CNTN6: variants seen among roughly 807,000 people sequenced by gnomAD.
CNTN6 encodes contactin 6, also known as contactin-6.
In CNTN6, 137 loss-of-function variants were observed where a neutral mutation model predicts 122.8. That is an observed-to-expected ratio of 1.12 (90% CI 0.97 to 1.29). CNTN6 has a LOEUF of 1.29. Ranked by LOEUF, CNTN6 falls within the 50% of genes most tolerant of loss-of-function variation. The probability of loss-of-function intolerance (pLI) is 0.00; values close to 1 mark genes in which losing one functional copy is unlikely to be tolerated. For synonymous variants in CNTN6, 570 were observed against 426.0 expected, an observed-to-expected ratio of 1.34 and a Z score of -4.16; for missense variants, 1,634 against 1,223.4, an observed-to-expected ratio of 1.34 and a Z score of -5.01.
intron 2 of CNTN6, among the ~76,000 whole-genome samples, chr3:1,154,318 A>G (rs1300419184): frequency 6.6e-6 from 1 of 152,174 alleles, no homozygotes; most frequent in African/African-American, 2.4e-5. Context: ...TCTTTGAAGG[A>G]GAGGGTCAAG....
intron 12 of CNTN6, among the ~76,000 whole-genome samples, chr3:1,366,366 C>T (rs569157119): frequency 2.6e-4 from 40 of 152,178 alleles, no homozygotes; most frequent in African/African-American, 9.4e-4. Context: ...AAGATCTCAC[C>T]GATCCATAAA....
intron 5 of CNTN6, among the ~76,000 whole-genome samples, chr3:1,289,836 A>G (rs987170602): frequency 4.6e-5 from 7 of 151,760 alleles, no homozygotes; most frequent in Non-Finnish European, 8.8e-5. Context: ...CACCACGCCC[A>G]GCTAATGTTT....
At chr3:1,313,797 G>A (rs919135628) in intron 7 of CNTN6, among the ~76,000 whole-genome samples, 1 of 152,056 alleles carries the variant, frequency 6.6e-6, no homozygotes, top group Non-Finnish European at 1.5e-5. Flanking sequence ...AGTTCTGGAG[G>A]CTGGGAAGTC....
At chr3:1,182,350 C>G (rs1349384718) in intron 2 of CNTN6, among the ~76,000 whole-genome samples, 1 of 152,168 alleles carries the variant, frequency 6.6e-6, no homozygotes, top group Non-Finnish European at 1.5e-5. Context: ...TGACTTTCCA[C>G]AGAGCCCTAG....
intron 5 of CNTN6, among the ~76,000 whole-genome samples, chr3:1,289,748 C>T (rs1237860877): frequency 1.3e-5 from 2 of 150,268 alleles, no homozygotes; most frequent in African/African-American, 2.5e-5. Context: ...GATCTCAGCT[C>T]ACTGCAAACT....
chr3:1,276,998 G>T (rs778511268), intron 4 of CNTN6, among the ~76,000 whole-genome samples: 1 of 152,142 alleles, frequency 6.6e-6, no homozygotes, highest in Non-Finnish European at 1.5e-5. Context: ...ATCAAAATTT[G>T]TGGAGATTTC....
At chr3:1,300,438 T>G (rs1697012995) in intron 7 of CNTN6, among the ~76,000 whole-genome samples, 1 of 132,324 alleles carries the variant, frequency 7.6e-6, no homozygotes, top group African/African-American at 2.9e-5. Context: ...AAGGAGCAAT[T>G]AGGGTCAGTT....
chr3:1,221,446 T>G (rs1310111927), intron 3 of CNTN6, among the ~76,000 whole-genome samples: 2 of 152,328 alleles, frequency 1.3e-5, no homozygotes, highest in African/African-American at 2.4e-5. Context: ...TAAAATTATG[T>G]GACTTCACTG....
At chr3:1,333,342 A>G (rs1342941887) in intron 11 of CNTN6, among the ~76,000 whole-genome samples, 1 of 152,072 alleles carries the variant, frequency 6.6e-6, no homozygotes, top group African/African-American at 2.4e-5. Context: ...AAACTCAAAC[A>G]CAGAACGCTG....
chr3:1,143,277 T>C (rs1216127748), intron 1 of CNTN6, among the ~76,000 whole-genome samples: 1 of 152,112 alleles, frequency 6.6e-6, no homozygotes, highest in African/African-American at 2.4e-5. Context: ...TTATTACTTT[T>C]GTACTGAGCA....
intron 1 of CNTN6, among the ~76,000 whole-genome samples, chr3:1,133,218 C>A (rs982270298): frequency 1.3e-5 from 2 of 152,046 alleles, no homozygotes; most frequent in Non-Finnish European, 2.9e-5. Flanking sequence ...ATAAGGTCAT[C>A]GAATCTTGAC....
chr3:1,240,200 A>C (rs1042847829), intron 4 of CNTN6, among the ~76,000 whole-genome samples: 2 of 152,248 alleles, frequency 1.3e-5, no homozygotes, highest in Non-Finnish European at 2.9e-5. Flanking sequence ...AAGCTTCTGC[A>C]CAGCCAAAGA....
chr3:1,097,434 C>A (rs773796831), intron 1 of CNTN6, among the ~76,000 whole-genome samples: 1 of 152,000 alleles, frequency 6.6e-6, no homozygotes, highest in Non-Finnish European at 1.5e-5. Flanking sequence ...TTAAAAGAGG[C>A]AATAAAAGAA....
chr3:1,273,458 C>A (rs1224725416), intron 4 of CNTN6, among the ~76,000 whole-genome samples: 1 of 152,150 alleles, frequency 6.6e-6, no homozygotes, highest in African/African-American at 2.4e-5. Context: ...GTATGGCTAC[C>A]TAATTCAGTC....
chr3:1,259,736 C>CA (rs1415738255), intron 4 of CNTN6, among the ~76,000 whole-genome samples: 1 of 152,056 alleles, frequency 6.6e-6, no homozygotes, highest in Non-Finnish European at 1.5e-5. Context: ...ACTAGAAAAA[C>CA]ACTAGCTCTA....
At chr3:1,399,024 A>T (rs1014268134) in intron 20 of CNTN6, among the ~76,000 whole-genome samples, 1 of 152,122 alleles carries the variant, frequency 6.6e-6, no homozygotes, top group Non-Finnish European at 1.5e-5. Flanking sequence ...TCTGTCTCCT[A>T]GCCAGTTGAT....
chr3:1,278,283 A>G (rs189442605), intron 4 of CNTN6, 130 bp from the exon 5 acceptor site: 3 of 603,960 alleles, frequency 5.0e-6, no homozygotes, highest in East Asian at 2.8e-5. Context: ...TTGATTGTCA[A>G]CTAAGTCTTC....
At chr3:1,169,228 G>A (rs1241796887) in intron 2 of CNTN6, among the ~76,000 whole-genome samples, 2 of 152,190 alleles carry the variant, frequency 1.3e-5, no homozygotes, top group Admixed American at 6.5e-5. Context: ...TTTAGCCTAA[G>A]AGGCCTCCAG....
intron 4 of CNTN6, among the ~76,000 whole-genome samples, chr3:1,273,775 C>A (rs557927470): frequency 2.6e-5 from 4 of 152,270 alleles, no homozygotes; most frequent in Admixed American, 6.5e-5. Context: ...TAATAGAAAT[C>A]CCATTGTAAT....
Sources: allele counts gnomAD v4.1 joint callset (sites outside exome capture counted in the v4.1 genomes callset), GRCh38; gene constraint gnomAD v4.1.1; transcripts MANE v1.5; gene names NCBI Gene and HGNC (gene_info 2026-07-23, HGNC 2026-07-21).